ENOX1: variants seen among roughly 807,000 people sequenced by gnomAD.
The protein encoded by ENOX1 is candidate growth-related and time keeping constitutive hydroquinone (NADH) oxidase.
In ENOX1, 42 loss-of-function variants were observed where a neutral mutation model predicts 82.5. The ratio of observed to expected loss-of-function variants is 0.51; its 90% CI spans 0.40 to 0.66. The LOEUF (loss-of-function observed/expected upper bound fraction) is 0.66. ENOX1 is among the 30% of genes least tolerant of loss of function. The pLI, the probability that ENOX1 is intolerant of heterozygous loss-of-function variation, is 0.00. For synonymous variants in ENOX1, 271 were observed against 282.2 expected (o/e 0.96, Z 0.40); for missense variants, 608 against 811.6 (o/e 0.75, Z 3.05).
At chr13:43,314,800 T>C (rs1309387139) in intron 11 of ENOX1, among the ~76,000 whole-genome samples, 1 of 152,198 alleles carries the variant, frequency 6.6e-6, no homozygotes, top group Non-Finnish European at 1.5e-5. Context: ...CATACTCACA[T>C]TCAAGGGACC....
chr13:43,412,000 C>T lies in ENOX1; in HGVS notation c.124G>A (p.Val42Met), dbSNP rs146373261. 2.2e-5 allele frequency: 35 copies of T among 1,614,046 alleles called. No homozygotes were observed. Among genetic ancestry groups the T allele is most frequent in the African/African-American group, 1.3e-4 (10 of 74,922 alleles). Residue 42 changes from valine (V) to methionine (M), a missense_variant, in exon 5 of 17, where the codon GTG becomes ATG. Transcript: ENST00000690772. ...GTAGCCCAGGCTGTGGGATCTGTCA[C>T]GGACATGTTGAGCTGGGTCGTGTCT... is the stretch of plus-strand genomic sequence containing the variant. ...AIDTTQLNMS[V>M]TDPTAWATAM...
intron 2 of ENOX1, among the ~76,000 whole-genome samples, chr13:43,525,717 C>T (rs1410586796): frequency 6.6e-6 from 1 of 152,056 alleles, no homozygotes; most frequent in South Asian, 2.1e-4. Context: ...ATTTGCATTT[C>T]CCTAGTCATT....
chr13:43,370,064 T>C (rs1054349935), intron 5 of ENOX1, among the ~76,000 whole-genome samples: 2 of 152,216 alleles, frequency 1.3e-5, no homozygotes, highest in South Asian at 4.1e-4. Context: ...CTGTAGCACG[T>C]GCTTACAGAA....
At chr13:43,707,432 G>A (rs904753014) in intron 1 of ENOX1, among the ~76,000 whole-genome samples, 1 of 152,068 alleles carries the variant, frequency 6.6e-6, no homozygotes, top group African/African-American at 2.4e-5. Context: ...AGAACCTATA[G>A]TTATTAAAAC....
intron 2 of ENOX1, among the ~76,000 whole-genome samples, chr13:43,533,383 G>A (rs1165087116): frequency 1.3e-5 from 2 of 152,022 alleles, no homozygotes; most frequent in African/African-American, 4.8e-5. Context: ...AAAGAAGTTG[G>A]AATACAATTT....
At chr13:43,466,558 A>C (rs1191970755) in intron 3 of ENOX1, among the ~76,000 whole-genome samples, 1 of 152,206 alleles carries the variant, frequency 6.6e-6, no homozygotes, top group East Asian at 1.9e-4. Flanking sequence ...TGTATAAAAA[A>C]TCCCATTAAA....
chr13:43,567,155 T>C (rs968641239), intron 2 of ENOX1, among the ~76,000 whole-genome samples: 2 of 152,130 alleles, frequency 1.3e-5, no homozygotes, highest in African/African-American at 4.8e-5. Context: ...AAAATATATA[T>C]ACAACTAAAA....
intron 2 of ENOX1, among the ~76,000 whole-genome samples, chr13:43,532,187 T>C (rs2078261000): frequency 1.3e-5 from 2 of 152,156 alleles, no homozygotes; most frequent in Non-Finnish European, 2.9e-5. Flanking sequence ...ATGGTATTAT[T>C]TTCTATCCAG....
intron 1 of ENOX1, among the ~76,000 whole-genome samples, chr13:43,704,874 A>G (rs1200093396): frequency 2.6e-5 from 4 of 152,174 alleles, no homozygotes; most frequent in Non-Finnish European, 2.9e-5. Flanking sequence ...GGCTTGGCAA[A>G]TAACTTGGGC....
rs1337053475 is a variant in ENOX1, at chr13:43,344,803, T to C, written c.824-53A>G. The C allele has an allele frequency of 7.8e-6, 12 of 1,547,874 alleles. No homozygotes were observed. In the African/African-American group the frequency reaches 1.2e-4, roughly 16 times the overall value. On this transcript the variant is annotated intron_variant, in intron 8 of 16. Transcript: ENST00000690772. ...ATCATGCCAAGATGAGAAAATACACTTTATTCTTGTTCCTCTCAAAAGACA... is the reference window on the plus strand; with the variant it reads ...ATCATGCCAAGATGAGAAAATACACCTTATTCTTGTTCCTCTCAAAAGACA...
At chr13:43,547,572 A>T in intron 2 of ENOX1, 1 of 152,236 alleles carries the variant, frequency 6.6e-6, no homozygotes, top group East Asian at 1.9e-4. Flanking sequence ...CAGATAAAAC[A>T]TATAAAGGGG....
At chr13:43,437,193 CT>C (rs2056082700) in intron 3 of ENOX1, among the ~76,000 whole-genome samples, 1 of 152,162 alleles carries the variant, frequency 6.6e-6, no homozygotes, top group South Asian at 2.1e-4. Flanking sequence ...GATGACAGAA[CT>C]GTTCAACTCC....
chr13:43,719,648 C>G (rs971987471), intron 1 of ENOX1, among the ~76,000 whole-genome samples: 1 of 152,140 alleles, frequency 6.6e-6, no homozygotes, highest in Admixed American at 6.6e-5. Context: ...AACTAACCAC[C>G]AGAGAACCCT....
At chr13:43,294,526 C>T (rs1175096000) in intron 12 of ENOX1, among the ~76,000 whole-genome samples, 6 of 152,102 alleles carry the variant, frequency 3.9e-5, no homozygotes, top group African/African-American at 7.2e-5. Context: ...CAGACAGTCC[C>T]GAGGGAATGC....
chr13:43,533,665 A>T (rs2078327742), intron 2 of ENOX1, among the ~76,000 whole-genome samples: 1 of 152,184 alleles, frequency 6.6e-6, no homozygotes, highest in Non-Finnish European at 1.5e-5. Context: ...ATTAAAAAAC[A>T]TCTGCCCAGA....
In ENOX1 at chr13:43,213,544, C is replaced by CTTTTTTTTTTTTTTTTTTTTTTTTTT. The variant is rs3043205; in HGVS notation, c.*445_*446insAAAAAAAAAAAAAAAAAAAAAAAAAA. 2.1e-4 allele frequency: 18 copies of CTTTTTTTTTTTTTTTTTTTTTTTTTT among 84,002 alleles called. No individual in the cohort carries two copies. The highest frequency in any genetic ancestry group is 4.0e-4 in the African/African-American group (9 of 22,740). The allele number at this position is 84,002 out of a possible 1,614,324, so 5.2% of individuals were successfully genotyped here. ...TTTTTCTTTTTTTCTTTTTCTTTTT[C>CTTTTTTTTTTTTTTTTTTTTTTTTTT]TTTTTTTTTTTTTTTTTTTTTTTAC... On this transcript the variant is annotated 3_prime_UTR_variant, in exon 17 of 17. Coordinates refer to ENST00000690772, the MANE Select transcript of ENOX1 (RefSeq NM_001347969.2).
At position 43,594,952 on chromosome 13, in the gene ENOX1, C is replaced by T. The variant is rs2081396716; in HGVS notation, c.-219+72527G>A. Among the ~76,000 whole-genome samples, 3 of 152,068 alleles carry T rather than the reference C, an allele frequency of 2.0e-5. No homozygotes were observed. The South Asian group carries it at 6.3e-4, about 32-fold the overall frequency. ...GACCAAGATTTTCCAGGGCTTCTCT[C>T]AGCCCATGTCTAAGCATGCGCTAAG... On this transcript the variant is annotated intron_variant, in intron 2 of 16. Coordinates refer to ENST00000690772, the MANE Select transcript of ENOX1 (RefSeq NM_001347969.2).
At chr13:43,222,624 G>T (rs1178212013) in intron 16 of ENOX1, among the ~76,000 whole-genome samples, 1 of 152,200 alleles carries the variant, frequency 6.6e-6, no homozygotes, top group Non-Finnish European at 1.5e-5. Flanking sequence ...AAGGATGGTA[G>T]CAACAATAGG....
At chr13:43,696,796 T>TA (rs2086662633) in intron 1 of ENOX1, among the ~76,000 whole-genome samples, 1 of 10,928 alleles carries the variant, frequency 9.2e-5, no homozygotes, top group South Asian at 0.023. Flanking sequence ...ATTCCTTTGC[T>TA]TTTTTTTTTT....
Sources: allele counts gnomAD v4.1 joint callset (sites outside exome capture counted in the v4.1 genomes callset), GRCh38; gene constraint gnomAD v4.1.1; transcripts MANE v1.5; gene names NCBI Gene and HGNC (gene_info 2026-07-23, HGNC 2026-07-21).